Variants in PLXNA4 observed in about 807,000 individuals in gnomAD.
The protein encoded by PLXNA4 is plexin-A4.
In PLXNA4, 44 loss-of-function variants were observed where a neutral mutation model predicts 191.8. The observed-to-expected ratio is 0.23, with a 90% CI of 0.18 to 0.29. The LOEUF is 0.29. Among genes scored for constraint, PLXNA4 ranks in the 10% least tolerant of loss-of-function variants. The pLI is 1.00. For missense variants in PLXNA4, 1,800 were observed against 2,488.8 expected (o/e 0.72, Z 5.89); for synonymous variants, 1,082 against 1,009.5 (o/e 1.07, Z -1.36).
chr7:132,549,629 G>T (rs1800468707), intron 1 of PLXNA4, among the ~76,000 whole-genome samples: 1 of 152,088 alleles, frequency 6.6e-6, no homozygotes, highest in Non-Finnish European at 1.5e-5. Flanking sequence ...CTTCTGGGAG[G>T]GTCATTTCCC....
chr7:132,623,897 C>T (rs1003466281), intron 2 of PLXNA4, among the ~76,000 whole-genome samples: 1 of 152,150 alleles, frequency 6.6e-6, no homozygotes, highest in Admixed American at 6.5e-5. Context: ...GCCTGTTGTA[C>T]TCTGAGTACC....
At chr7:132,254,106 C>A (rs1474115120) in intron 4 of PLXNA4, among the ~76,000 whole-genome samples, 2 of 152,158 alleles carry the variant, frequency 1.3e-5, no homozygotes, top group South Asian at 2.1e-4. Flanking sequence ...TCCATCATAA[C>A]TAACTATCTT....
chr7:132,520,315 C>T (rs1489642974), intron 1 of PLXNA4, among the ~76,000 whole-genome samples: 1 of 152,102 alleles, frequency 6.6e-6, no homozygotes, highest in Non-Finnish European at 1.5e-5. Context: ...TAAAAAGGAC[C>T]AAGCACATTC....
chr7:132,370,792 G>A (rs538264515), intron 3 of PLXNA4, among the ~76,000 whole-genome samples: 1 of 152,258 alleles, frequency 6.6e-6, no homozygotes, highest in East Asian at 1.9e-4. Context: ...GATATTGATG[G>A]GTGTGACTGA....
chr7:132,271,257 A>G (rs1044674894), intron 4 of PLXNA4: 1 of 152,170 alleles, frequency 6.6e-6, no homozygotes, highest in African/African-American at 2.4e-5. Flanking sequence ...ATAAAATGTT[A>G]TGTGTTAAAG....
rs1452985508 is a variant in PLXNA4, at chr7:132,211,033, GCCACGCTGC to G, written c.2199_2207del (p.Gln734_Gly736del). ...CCTGAATGTTGAGGATGCATTCGTA[GCCACGCTGC>G]CCAGACTGGGGCTGGGGGAGGTTCT... On this transcript the variant is annotated inframe_deletion, in exon 10 of 32. Transcript: ENST00000321063. 6.2e-7 allele frequency: 1 copy of G among 1,613,902 alleles called. No homozygotes were observed. Among genetic ancestry groups the G allele is most frequent in the Non-Finnish European group, 8.5e-7 (1 of 1,179,990 alleles).
At chr7:132,544,973 C>A (rs1009631431) in intron 1 of PLXNA4, among the ~76,000 whole-genome samples, 29 of 152,212 alleles carry the variant, frequency 1.9e-4, no homozygotes, top group Non-Finnish European at 4.3e-4. Context: ...CTAGTACAGC[C>A]ACACCAGGCA....
intron 2 of PLXNA4, among the ~76,000 whole-genome samples, chr7:132,591,479 T>G (rs1802602610): frequency 6.6e-6 from 1 of 152,236 alleles, no homozygotes. Flanking sequence ...GTATTGTAGC[T>G]TCTATTTCTA....
At chr7:132,635,183 TA>T (rs1803574204) in intron 2 of PLXNA4, among the ~76,000 whole-genome samples, 3 of 147,290 alleles carry the variant, frequency 2.0e-5, no homozygotes, top group African/African-American at 7.4e-5. Flanking sequence ...TATATATATA[TA>T]TATATATATA....
At chr7:132,263,517 C>A (rs180694370) in intron 4 of PLXNA4, among the ~76,000 whole-genome samples, 2 of 152,338 alleles carry the variant, frequency 1.3e-5, no homozygotes, top group Non-Finnish European at 2.9e-5. Context: ...CTGGGTTGTT[C>A]TGAGAGCTTG....
chr7:132,174,110 T>C (rs1796376075), intron 21 of PLXNA4, among the ~76,000 whole-genome samples: 1 of 152,224 alleles, frequency 6.6e-6, no homozygotes, highest in South Asian at 2.1e-4. Flanking sequence ...TTCCTCAGGA[T>C]TATTATTCTG....
chr7:132,189,549 C>T (rs1440554283), intron 14 of PLXNA4, among the ~76,000 whole-genome samples: 3 of 152,086 alleles, frequency 2.0e-5, no homozygotes, highest in Admixed American at 1.3e-4. Context: ...TGGGAGAGGA[C>T]AAATCTTCCC....
Position 132,148,614 on chromosome 7 carries a change from A to G in PLXNA4, c.4693T>C (p.Leu1565=). ...TTGGTGGTGATGTCTTCATCCTGCAAGATCATCCTTGCCCCACTTCCTTGT... is the reference window on the plus strand; with the variant it reads ...TTGGTGGTGATGTCTTCATCCTGCAGGATCATCCTTGCCCCACTTCCTTGT... ...WRQGSGARMI[L]QDEDITTKIE... The change falls in exon 26 of 32, where the codon TTG becomes CTG. Residue 1565 remains leucine (L), a synonymous_variant. Transcript: ENST00000321063. 6.2e-7 allele frequency: 1 copy of G among 1,614,126 alleles called. No individual in the cohort carries two copies. Among genetic ancestry groups the G allele is most frequent in the Non-Finnish European group, 8.5e-7 (1 of 1,180,012 alleles).
intron 8 of PLXNA4, among the ~76,000 whole-genome samples, chr7:132,224,575 A>G (rs2116962153): frequency 6.6e-6 from 1 of 152,308 alleles, no homozygotes; most frequent in Middle Eastern, 3.4e-3. Flanking sequence ...TGAGCAACAC[A>G]TTCCCTTGCA....
chr7:132,559,949 G>T (rs1307795019), intron 1 of PLXNA4, among the ~76,000 whole-genome samples: 1 of 152,178 alleles, frequency 6.6e-6, no homozygotes, highest in East Asian at 1.9e-4. Flanking sequence ...AGAACCTGGA[G>T]AGGGGCTGCC....
rs1324344415 is a variant in PLXNA4, at chr7:132,223,646, G to A, written c.1983-5C>T. ...CTCTCCACGCAGGACAGGCACCTGGGCACAGGGGAAGGGAGGCACAAATCT... is the reference window on the plus strand; with the variant it reads ...CTCTCCACGCAGGACAGGCACCTGGACACAGGGGAAGGGAGGCACAAATCT... On this transcript the variant is annotated splice_region_variant and splice_polypyrimidine_tract_variant and intron_variant, in intron 8 of 31. Transcript: ENST00000321063. The A allele has an allele frequency of 6.2e-7, 1 of 1,610,974 alleles. No individual in the cohort carries two copies. The highest frequency in any genetic ancestry group is 8.5e-7 in the Non-Finnish European group (1 of 1,178,184).
At chr7:132,427,308 G>A (rs993060718) in intron 3 of PLXNA4, among the ~76,000 whole-genome samples, 4 of 152,202 alleles carry the variant, frequency 2.6e-5, no homozygotes, top group Admixed American at 1.3e-4. Flanking sequence ...GGGCTGGAAG[G>A]ATTCATGACC....
At chr7:132,452,498 A>T (rs1429180079) in intron 3 of PLXNA4, among the ~76,000 whole-genome samples, 1 of 152,212 alleles carries the variant, frequency 6.6e-6, no homozygotes, top group Admixed American at 6.5e-5. Context: ...ATCCAAAAAA[A>T]CATGGCACAC....
At chr7:132,405,026 C>T (rs1186495179) in intron 3 of PLXNA4, among the ~76,000 whole-genome samples, 1 of 151,796 alleles carries the variant, frequency 6.6e-6, no homozygotes, top group African/African-American at 2.4e-5. Context: ...TCCATTGTTT[C>T]AGCAAAATAA....
Sources: gnomAD v4.1 joint callset for allele counts (sites outside exome capture counted in the v4.1 genomes callset) on GRCh38, gnomAD v4.1.1 for gene constraint, MANE v1.5 for transcripts, NCBI Gene and HGNC (gene_info 2026-07-23, HGNC 2026-07-21) for gene names.